Variants in BRINP1 observed in about 807,000 individuals in gnomAD.
BRINP1 encodes the protein BMP/retinoic acid-inducible neural-specific protein 1.
Under a neutral mutation model 72.9 loss-of-function variants are expected in BRINP1, and 17 were observed. The observed-to-expected ratio is 0.23, with a 90% CI of 0.16 to 0.35. The LOEUF (loss-of-function observed/expected upper bound fraction) is 0.35, where lower values mean the gene tolerates loss of function less well. BRINP1 is among the 10% of genes least tolerant of loss of function. The pLI, the probability that BRINP1 is intolerant of heterozygous loss-of-function variation, is 1.00. For synonymous variants in BRINP1, 418 were observed against 378.5 expected (o/e 1.10, Z -1.21); for missense variants, 850 against 1,001.6 (o/e 0.85, Z 2.04).
Position 119,242,096 on chromosome 9 carries a change from C to T in BRINP1, c.530G>A (p.Gly177Asp). The change falls in exon 4 of 8, where the codon GGT (glycine) becomes GAT (aspartate). Residue 177 changes from glycine (G) to aspartate (D), a missense_variant. Coordinates refer to ENST00000265922, the MANE Select transcript of BRINP1 (RefSeq NM_014618.3). ...GATCTCATGAAGCCTCCTCATGGTACCATCACGGTCAACAAAGTAGGATGA... is the reference window on the plus strand; with the variant it reads ...GATCTCATGAAGCCTCCTCATGGTATCATCACGGTCAACAAAGTAGGATGA... Reference protein sequence around the residue: ...LASSYFVDRDGTMRRLHEIQI... With the variant: ...LASSYFVDRDDTMRRLHEIQI... The T allele has an allele frequency of 1.9e-6, 3 of 1,614,106 alleles. No homozygotes were observed. Among genetic ancestry groups the T allele is most frequent in the Non-Finnish European group, 2.5e-6 (3 of 1,180,012 alleles).
intron 1 of BRINP1, among the ~76,000 whole-genome samples, chr9:119,326,339 G>T (rs1831239563): frequency 6.6e-6 from 1 of 152,120 alleles, no homozygotes; most frequent in Admixed American, 6.5e-5. Flanking sequence ...CAAATCAACT[G>T]TAAAAATGTT....
At chr9:119,300,795 A>G (rs1830931223) in intron 2 of BRINP1, among the ~76,000 whole-genome samples, 1 of 152,230 alleles carries the variant, frequency 6.6e-6, no homozygotes, top group African/African-American at 2.4e-5. Context: ...AGACTTTATA[A>G]AAGACTATTT....
chr9:119,368,191 G>A lies in BRINP1; in HGVS notation c.-51+865C>T, dbSNP rs963809532. Among the ~76,000 whole-genome samples, 1 of 152,140 alleles carries A rather than the reference G, an allele frequency of 6.6e-6. No individual in the cohort carries two copies. The highest frequency in any genetic ancestry group is 6.5e-5 in the Admixed American group (1 of 15,276). ...GAGGGGCTCTGTTGATTGCAAACGGGGATGCAGGGTAAATCCCTATCCCAG... is the reference window on the plus strand; with the variant it reads ...GAGGGGCTCTGTTGATTGCAAACGGAGATGCAGGGTAAATCCCTATCCCAG... On this transcript the variant is annotated intron_variant, in intron 1 of 7. Transcript: ENST00000265922. The surrounding 1 kb of genome is among the most constrained non-coding windows in gnomAD (Gnocchi z 4.7).
rs781687600 is a variant in BRINP1 at position 119,168,149 on chromosome 9, C to T, written c.1221G>A (p.Leu407=). The change falls in exon 8 of 8, where the codon CTG becomes CTA. Residue 407 remains leucine, a synonymous_variant. Coordinates refer to ENST00000265922, the MANE Select transcript of BRINP1 (RefSeq NM_014618.3). The part of the protein sequence containing the change: ...CNENGFWGTF[L]ESQRSCVCHG... ...GGCACACGCAGCTCCGCTGGCTCTC[C>T]AGGAAGGTTCCCCAAAACCCATTCT... 1 of 1,591,250 alleles carries T rather than the reference C, an allele frequency of 6.3e-7. No homozygotes were observed. Among genetic ancestry groups the T allele is most frequent in the East Asian group, 2.2e-5 (1 of 44,540 alleles).
At chr9:119,335,557 T>C (rs1831338481) in intron 1 of BRINP1, among the ~76,000 whole-genome samples, 4 of 152,162 alleles carry the variant, frequency 2.6e-5, no homozygotes, top group Admixed American at 2.6e-4. Context: ...ACCTACCCAA[T>C]ATCAGTGATT....
intron 7 of BRINP1, among the ~76,000 whole-genome samples, chr9:119,198,204 T>C (rs1829760614): frequency 6.6e-6 from 1 of 152,264 alleles, no homozygotes; most frequent in Admixed American, 6.5e-5. Context: ...GGTTCATATA[T>C]GTATAGCATG....
intron 5 of BRINP1, among the ~76,000 whole-genome samples, chr9:119,237,360 T>C (rs1002061909): frequency 8.6e-5 from 13 of 150,292 alleles, no homozygotes; most frequent in African/African-American, 3.2e-4. Context: ...ATTATTATTA[T>C]TATTATTATT....
chr9:119,318,441 C>A (rs1425858702), intron 1 of BRINP1, among the ~76,000 whole-genome samples: 1 of 152,152 alleles, frequency 6.6e-6, no homozygotes, highest in Non-Finnish European at 1.5e-5. Flanking sequence ...ATCTGCTTGT[C>A]ACTGCAAGTC....
chr9:119,167,008 TTTG>T lies in BRINP1; in HGVS notation c.*73_*75del. The T allele has an allele frequency of 1.4e-6, 2 of 1,437,776 alleles. No individual in the cohort carries two copies. The highest frequency in any genetic ancestry group is 2.9e-5 in the South Asian group (2 of 68,878). 89.1% of individuals were successfully genotyped at this position (1,437,776 alleles called of 1,614,324 possible). A position where few individuals can be genotyped will look rare whatever the true frequency, so the allele number is the denominator to read the frequency against. On this transcript the variant is annotated 3_prime_UTR_variant, in exon 8 of 8. Transcript: ENST00000265922. The surrounding 1 kb of genome is among the most constrained non-coding windows in gnomAD (Gnocchi z 4.3). Reference sequence around the variant, plus strand: ...CATTTTACAAATTTTTGTGGGTTTTTTTGTTTTGTTTTGCTTCATTTTGTTCTG... The same window carrying T: ...CATTTTACAAATTTTTGTGGGTTTTTTTTTGTTTTGCTTCATTTTGTTCTG...
chr9:119,320,126 A>G (rs1831170421), intron 1 of BRINP1, among the ~76,000 whole-genome samples: 1 of 152,166 alleles, frequency 6.6e-6, no homozygotes, highest in Non-Finnish European at 1.5e-5. Flanking sequence ...GGGGAAAAGG[A>G]AATTTCAGCA....
At chr9:119,204,074 C>T (rs1039988204) in intron 7 of BRINP1, among the ~76,000 whole-genome samples, 1 of 152,274 alleles carries the variant, frequency 6.6e-6, no homozygotes, top group East Asian at 1.9e-4. Flanking sequence ...TGCAAGAAGT[C>T]CAGTCCCCGT....
intron 5 of BRINP1, among the ~76,000 whole-genome samples, chr9:119,234,266 A>G (rs1310953977): frequency 6.6e-6 from 1 of 152,100 alleles, no homozygotes; most frequent in African/African-American, 2.4e-5. Context: ...ATTGCTTCAC[A>G]TTGTCCCTCC....
At chr9:119,242,493 C>A (rs1044800353) in intron 3 of BRINP1, among the ~76,000 whole-genome samples, 2 of 152,216 alleles carry the variant, frequency 1.3e-5, no homozygotes, top group Non-Finnish European at 2.9e-5. Context: ...CATCTTATAA[C>A]AAAACCCTCT....
intron 7 of BRINP1, among the ~76,000 whole-genome samples, chr9:119,201,643 C>A (rs2118863164): frequency 6.6e-6 from 1 of 152,268 alleles, no homozygotes; most frequent in East Asian, 1.9e-4. Flanking sequence ...CCAGCCCACA[C>A]AGGACAGAAT....
intron 1 of BRINP1, among the ~76,000 whole-genome samples, chr9:119,361,008 A>G (rs958425918): frequency 7.9e-5 from 12 of 152,142 alleles, no homozygotes; most frequent in African/African-American, 2.7e-4. Flanking sequence ...CCCGGTATAC[A>G]ACTCCGCACC....
rs189643788 is a variant in BRINP1, at chr9:119,218,055, G to A, written c.686-3900C>T. 1.5e-4 allele frequency among the ~76,000 whole-genome samples: 23 copies of A among 151,846 alleles called. No homozygotes were observed. In the East Asian group the frequency reaches 4.3e-3, roughly 28 times the overall value. ...CTGGCTGAAATTATCTTTTGAATTT[G>A]TTTTATTTCTAATAGTTTTTCTATC... On this transcript the variant is annotated intron_variant, in intron 5 of 7. Transcript: ENST00000265922.
chr9:119,229,247 G>A (rs773119456), intron 5 of BRINP1, among the ~76,000 whole-genome samples: 15 of 152,068 alleles, frequency 9.9e-5, no homozygotes, highest in South Asian at 4.1e-4. Flanking sequence ...CATGGAGGAT[G>A]CAAATATAAA....
intron 2 of BRINP1, among the ~76,000 whole-genome samples, chr9:119,280,715 C>T (rs1349089216): frequency 6.6e-6 from 1 of 152,090 alleles, no homozygotes; most frequent in Non-Finnish European, 1.5e-5. Context: ...GTGTATGAGA[C>T]ACTCGGTATA....
At chr9:119,341,580 C>CA (rs1419870263) in intron 1 of BRINP1, among the ~76,000 whole-genome samples, 1 of 152,156 alleles carries the variant, frequency 6.6e-6, no homozygotes, top group Non-Finnish European at 1.5e-5. Context: ...ACAACTGACA[C>CA]TCTACAGTGT....
Sources: allele counts gnomAD v4.1 joint callset (sites outside exome capture counted in the v4.1 genomes callset), GRCh38; gene constraint gnomAD v4.1.1; non-coding constraint Gnocchi (gnomAD v3.1); transcripts MANE v1.5; gene names NCBI Gene and HGNC (gene_info 2026-07-23, HGNC 2026-07-21).